NBAS: variants seen among roughly 807,000 people sequenced by gnomAD.
The protein encoded by NBAS is NBAS subunit of NRZ tethering complex, also known as NAG/BC035112 fusion.
Under a neutral mutation model 302.5 loss-of-function variants are expected in NBAS, and 219 were observed. That is an observed-to-expected ratio of 0.72 (90% CI 0.65 to 0.81). NBAS has a LOEUF of 0.81. NBAS is among the 30% of genes least tolerant of loss of function. The pLI is 0.00. For synonymous variants in NBAS, 1,118 were observed against 1,021.6 expected (o/e 1.09, Z -1.80); for missense variants, 2,932 against 2,841.6 (o/e 1.03, Z -0.72).
the NBAS span, among the ~76,000 whole-genome samples, chr2:15,002,492 G>T: frequency 6.6e-6 from 1 of 152,176 alleles, no homozygotes; most frequent in Non-Finnish European, 1.5e-5. Flanking sequence ...CCCGCACCGG[G>T]ACTGCAGGTG....
chr2:15,152,685 T>C, the NBAS span, among the ~76,000 whole-genome samples: 3 of 152,244 alleles, frequency 2.0e-5, no homozygotes, highest in Non-Finnish European at 4.4e-5. Context: ...TGTTTGTTGA[T>C]GAAATAAATT....
At chr2:15,144,247 T>C in the NBAS span, among the ~76,000 whole-genome samples, 1 of 151,832 alleles carries the variant, frequency 6.6e-6, no homozygotes, top group African/African-American at 2.4e-5. Flanking sequence ...TCCCAGCTCC[T>C]ACAGCCCGAG....
chr2:14,933,220 G>A, the NBAS span, among the ~76,000 whole-genome samples: 1 of 152,280 alleles, frequency 6.6e-6, no homozygotes, highest in Non-Finnish European at 1.5e-5. Flanking sequence ...CCAGACCAAT[G>A]TTCTTTTCAT....
At chr2:15,270,373 C>G (rs2148040051) in intron 44 of NBAS, among the ~76,000 whole-genome samples, 1 of 152,024 alleles carries the variant, frequency 6.6e-6, no homozygotes, top group Non-Finnish European at 1.5e-5. Context: ...CCGTGGTAGC[C>G]AGGATGGTCT....
At chr2:15,439,693 T>C (rs1312867650) in intron 21 of NBAS, among the ~76,000 whole-genome samples, 5 of 152,108 alleles carry the variant, frequency 3.3e-5, no homozygotes, top group African/African-American at 9.7e-5. Flanking sequence ...CAAGCCGAAG[T>C]AGGGCGAGGC....
At chr2:14,825,728 G>T in the NBAS span, among the ~76,000 whole-genome samples, 2 of 152,110 alleles carry the variant, frequency 1.3e-5, no homozygotes, top group Non-Finnish European at 2.9e-5. Context: ...CAAGAAATTT[G>T]TTAAATTGGG....
At chr2:15,366,554 T>C in intron 32 of NBAS, 26 bp downstream of exon 32, 1 of 1,571,902 alleles carries the variant, frequency 6.4e-7, no homozygotes, top group Non-Finnish European at 8.8e-7. Context: ...AAGCTTATTC[T>C]GCAGTTTAGT....
chr2:15,124,511 G>T, the NBAS span, among the ~76,000 whole-genome samples: 1 of 152,228 alleles, frequency 6.6e-6, no homozygotes, highest in African/African-American at 2.4e-5. Flanking sequence ...AGGGAGCCAA[G>T]TCCTAACATC....
the NBAS span, among the ~76,000 whole-genome samples, chr2:15,115,390 CATAAATGGTATT>C: frequency 1.3e-5 from 2 of 152,176 alleles, no homozygotes; most frequent in Non-Finnish European, 2.9e-5. Flanking sequence ...AAATCTACTT[CATAAATGGTATT>C]GCCAGAGAAG....
At chr2:15,340,192 G>A (rs1028025065) in intron 35 of NBAS, among the ~76,000 whole-genome samples, 1 of 152,108 alleles carries the variant, frequency 6.6e-6, no homozygotes, top group Non-Finnish European at 1.5e-5. Context: ...GCAGAAGCAC[G>A]GAGACAAACA....
At chr2:14,816,677 C>T in the NBAS span, among the ~76,000 whole-genome samples, 1 of 152,186 alleles carries the variant, frequency 6.6e-6, no homozygotes, top group African/African-American at 2.4e-5. Context: ...GTCTTAGGAG[C>T]ATAAGCCACA....
the NBAS span, among the ~76,000 whole-genome samples, chr2:14,834,463 T>A: frequency 1.3e-5 from 2 of 152,138 alleles, no homozygotes; most frequent in Non-Finnish European, 2.9e-5. Context: ...ATTTTCTGCC[T>A]CTGAATTCAT....
intron 38 of NBAS, among the ~76,000 whole-genome samples, chr2:15,325,137 C>T (rs1029618570): frequency 5.9e-5 from 9 of 152,192 alleles, no homozygotes; most frequent in African/African-American, 2.2e-4. Flanking sequence ...TTTTGTAAAC[C>T]ATACCTTTTA....
chr2:15,119,214 T>A, the NBAS span, among the ~76,000 whole-genome samples: 1 of 152,028 alleles, frequency 6.6e-6, no homozygotes, highest in East Asian at 1.9e-4. Flanking sequence ...TGGGATCTGC[T>A]ATGTGCCAGA....
chr2:14,915,018 T>C, the NBAS span, among the ~76,000 whole-genome samples: 1 of 152,220 alleles, frequency 6.6e-6, no homozygotes. Context: ...ATGGTATTTG[T>C]TATGCAGCAA....
chr2:15,421,135 T>TA (rs937831859), intron 23 of NBAS, among the ~76,000 whole-genome samples: 4 of 151,714 alleles, frequency 2.6e-5, no homozygotes, highest in African/African-American at 4.8e-5. Flanking sequence ...AGCAAGTTTT[T>TA]AAAAAAAACA....
chr2:15,193,483 A>G (rs960737652), intron 48 of NBAS, among the ~76,000 whole-genome samples: 6 of 152,178 alleles, frequency 3.9e-5, no homozygotes, highest in African/African-American at 9.6e-5. Flanking sequence ...GATAATTGTT[A>G]TATACCTTCA....
At chr2:15,273,554 A>G (rs956866608) in intron 44 of NBAS, among the ~76,000 whole-genome samples, 12 of 152,190 alleles carry the variant, frequency 7.9e-5, no homozygotes, top group South Asian at 6.2e-4. Context: ...TCTATTACCA[A>G]CTTAACTTTG....
intron 44 of NBAS, among the ~76,000 whole-genome samples, chr2:15,264,008 A>G (rs1174188682): frequency 6.6e-6 from 1 of 152,222 alleles, no homozygotes; most frequent in African/African-American, 2.4e-5. Flanking sequence ...TGAAATAGCT[A>G]TTAGGAGATA....
Sources: allele counts gnomAD v4.1 joint callset (sites outside exome capture counted in the v4.1 genomes callset), GRCh38; gene constraint gnomAD v4.1.1; transcripts MANE v1.5; gene names NCBI Gene and HGNC (gene_info 2026-07-23, HGNC 2026-07-21).